Variants in MAMDC2 observed in about 807,000 individuals in gnomAD.
MAMDC2 encodes the protein MAM domain containing 2.
Under a neutral mutation model 89.8 loss-of-function variants are expected in MAMDC2, and 57 were observed. The ratio of observed to expected loss-of-function variants is 0.63; its 90% CI spans 0.51 to 0.79. The LOEUF is 0.79. Among genes scored for constraint, MAMDC2 ranks in the 30% least tolerant of loss-of-function variants. MAMDC2 has a pLI of 0.00. For synonymous variants in MAMDC2, 313 were observed against 293.4 expected, an observed-to-expected ratio of 1.07 and a Z score of -0.68; for missense variants, 800 against 820.6, an observed-to-expected ratio of 0.97 and a Z score of 0.31.
intron 2 of MAMDC2, among the ~76,000 whole-genome samples, chr9:70,060,853 G>C (rs3015242): frequency 0.35 from 53,079 of 151,958 alleles, 10,537 homozygotes; most frequent in African/African-American, 0.54. Flanking sequence ...TCCCCTAAGA[G>C]AAGCCACTGA....
chr9:70,072,509 A>G (rs999526142), intron 2 of MAMDC2, among the ~76,000 whole-genome samples: 8 of 152,150 alleles, frequency 5.3e-5, no homozygotes, highest in African/African-American at 1.9e-4. Context: ...ATACTTATCA[A>G]TGTTTTCTAT....
At chr9:70,072,780 A>G (rs1827438056) in intron 2 of MAMDC2, among the ~76,000 whole-genome samples, 1 of 152,216 alleles carries the variant, frequency 6.6e-6, no homozygotes, top group Non-Finnish European at 1.5e-5. Context: ...AAGTACACTA[A>G]AAATTAAAGG....
At chr9:70,135,960 G>A (rs529914281) in intron 7 of MAMDC2, among the ~76,000 whole-genome samples, 3 of 152,208 alleles carry the variant, frequency 2.0e-5, no homozygotes, top group Non-Finnish European at 4.4e-5. Flanking sequence ...AGACCAGCCT[G>A]GGCAACATGG....
At position 70,108,456 on chromosome 9, in the gene MAMDC2, T is replaced by C. The variant is rs1036315305; in HGVS notation, c.394T>C (p.Leu132=). 2 of 1,602,400 alleles carry C rather than the reference T, an allele frequency of 1.2e-6. No individual in the cohort carries two copies. The highest frequency in any genetic ancestry group is 1.4e-5 in the African/African-American group (1 of 74,054). The change falls in exon 3 of 14, where the codon TTG becomes CTG. Residue 132 remains leucine, a synonymous_variant. Coordinates refer to ENST00000377182, the MANE Select transcript of MAMDC2 (RefSeq NM_153267.5). The part of the protein sequence containing the change: ...SDSWLIASLD[L]QNSSKKFKIL... ...CAGCTGGCTCATAGCCAGCTTGGAT[T>C]TGCAAAACAGTTCCAAGAAATTCAA...
chr9:70,126,554 A>T (rs1487291904), intron 6 of MAMDC2, 139 bp downstream of exon 6: 6 of 883,396 alleles, frequency 6.8e-6, no homozygotes, highest in Non-Finnish European at 1.0e-5. Flanking sequence ...ATTCTTTCTC[A>T]TCCTCAGCCC....
chr9:70,151,912 AG>A (rs2031593522), intron 9 of MAMDC2, among the ~76,000 whole-genome samples: 2 of 152,258 alleles, frequency 1.3e-5, no homozygotes, highest in South Asian at 4.1e-4. Context: ...CCCATTCTAA[AG>A]CATGTCAGGT....
intron 9 of MAMDC2, among the ~76,000 whole-genome samples, chr9:70,164,006 G>T (rs1374105340): frequency 6.6e-6 from 1 of 151,112 alleles, no homozygotes; most frequent in Non-Finnish European, 1.5e-5. Context: ...CACAAGGACT[G>T]CACATAACAG....
At chr9:70,205,180 C>T (rs1275543213) in intron 11 of MAMDC2, among the ~76,000 whole-genome samples, 2 of 152,170 alleles carry the variant, frequency 1.3e-5, no homozygotes, top group African/African-American at 4.8e-5. Flanking sequence ...TGGTAAAATG[C>T]ACATAACATA....
At chr9:70,143,950 C>A in intron 9 of MAMDC2, 131 bp downstream of exon 9, 1 of 1,054,056 alleles carries the variant, frequency 9.5e-7, no homozygotes, top group African/African-American at 1.6e-5. Context: ...CACCCTTACA[C>A]CCTACTCCCA....
At chr9:70,197,305 G>A (rs1348602928) in intron 11 of MAMDC2, among the ~76,000 whole-genome samples, 3 of 151,480 alleles carry the variant, frequency 2.0e-5, no homozygotes, top group Non-Finnish European at 4.4e-5. Context: ...GAGTAAAGTT[G>A]TGAATGATTT....
intron 6 of MAMDC2, 62 bp downstream of exon 6, chr9:70,126,477 A>G: frequency 6.5e-7 from 1 of 1,534,548 alleles, no homozygotes; most frequent in Non-Finnish European, 8.9e-7. Flanking sequence ...ACCCACACAC[A>G]GGGCTGGAGA....
chr9:70,197,600 C>T lies in MAMDC2; in HGVS notation c.1652-20737C>T, dbSNP rs528198784. On this transcript the variant is annotated intron_variant, in intron 11 of 13. Coordinates refer to ENST00000377182, the MANE Select transcript of MAMDC2 (RefSeq NM_153267.5). ...TATGGAATATGATCCTAGGAAGGAA[C>T]GCAGCATTAAAGTCACCGGTATGAT... is the stretch of plus-strand genomic sequence containing the variant. Among the ~76,000 whole-genome samples the T allele has an allele frequency of 3.3e-5, 5 of 152,126 alleles. No homozygotes were observed. In the South Asian group the frequency reaches 8.3e-4, roughly 25 times the overall value.
chr9:70,218,751 T>C (rs1057402988), intron 12 of MAMDC2, among the ~76,000 whole-genome samples, 155 bp downstream of exon 12: 1 of 152,186 alleles, frequency 6.6e-6, no homozygotes, highest in Non-Finnish European at 1.5e-5. Context: ...AGTCTATACA[T>C]TGATTAAATC....
intron 11 of MAMDC2, among the ~76,000 whole-genome samples, chr9:70,181,913 A>T (rs1171048900): frequency 6.6e-6 from 1 of 152,126 alleles, no homozygotes; most frequent in Non-Finnish European, 1.5e-5. Context: ...ATGGTGAGAG[A>T]GGGTATCCTT....
intron 11 of MAMDC2, among the ~76,000 whole-genome samples, chr9:70,195,172 T>C (rs1421157512): frequency 2.0e-5 from 3 of 152,134 alleles, no homozygotes; most frequent in East Asian, 1.9e-4. Flanking sequence ...ACAAAAACTT[T>C]TGTATGACTA....
intron 11 of MAMDC2, among the ~76,000 whole-genome samples, chr9:70,197,601 G>A (rs1386757764): frequency 2.0e-5 from 3 of 152,080 alleles, no homozygotes; most frequent in South Asian, 4.1e-4. Flanking sequence ...AGGAAGGAAC[G>A]CAGCATTAAA....
At chr9:70,179,455 C>T (rs1001160227) in intron 11 of MAMDC2, among the ~76,000 whole-genome samples, 8 of 150,572 alleles carry the variant, frequency 5.3e-5, no homozygotes, top group Admixed American at 2.7e-4. Context: ...ACCCGGAAGG[C>T]GGAGCTTGCA....
chr9:70,211,861 C>A (rs951659427), intron 11 of MAMDC2, among the ~76,000 whole-genome samples: 1 of 152,226 alleles, frequency 6.6e-6, no homozygotes, highest in Non-Finnish European at 1.5e-5. Context: ...GGACCCTCAA[C>A]TGCAGGTCTG....
intron 7 of MAMDC2, among the ~76,000 whole-genome samples, chr9:70,135,423 A>G (rs1470737415): frequency 6.6e-6 from 1 of 152,166 alleles, no homozygotes. Context: ...CTCAGGGTAG[A>G]AGCAGCACTC....
Sources: gnomAD v4.1 joint callset for allele counts (sites outside exome capture counted in the v4.1 genomes callset) on GRCh38, gnomAD v4.1.1 for gene constraint, MANE v1.5 for transcripts, NCBI Gene and HGNC (gene_info 2026-07-23, HGNC 2026-07-21) for gene names.